IQSEC1: variants seen among roughly 807,000 people sequenced by gnomAD.
The protein encoded by IQSEC1 is IQ motif and Sec7 domain ArfGEF 1.
IQSEC1 carries 31 observed loss-of-function variants against 91.0 expected under a neutral mutation model. The observed-to-expected ratio is 0.34, with a 90% CI of 0.26 to 0.46. The LOEUF is 0.46. Among genes scored for constraint, IQSEC1 ranks in the 20% least tolerant of loss-of-function variants. The probability of loss-of-function intolerance (pLI) is 1.00; values close to 1 mark genes in which losing one functional copy is unlikely to be tolerated. For synonymous variants in IQSEC1, 699 were observed against 662.6 expected (o/e 1.05, Z -0.84); for missense variants, 1,388 against 1,575.6 (o/e 0.88, Z 2.02).
intron 1 of IQSEC1, among the ~76,000 whole-genome samples, chr3:13,047,900 A>G (rs552478130): frequency 2.0e-5 from 3 of 152,204 alleles, no homozygotes; most frequent in Non-Finnish European, 2.9e-5. Flanking sequence ...AGAGCCCTGC[A>G]CCAGGAATCT....
chr3:13,055,508 C>T (rs962334453), intron 1 of IQSEC1, among the ~76,000 whole-genome samples: 1 of 152,226 alleles, frequency 6.6e-6, no homozygotes, highest in African/African-American at 2.4e-5. Context: ...ATATTCTCCT[C>T]CCCACTTTAC....
chr3:13,069,281 CCTGGCATCCAGCCCAGGCCCA>C (rs1224060207), intron 1 of IQSEC1, among the ~76,000 whole-genome samples: 1 of 151,482 alleles, frequency 6.6e-6, no homozygotes, highest in Admixed American at 6.6e-5. Flanking sequence ...GCTGCTCTTC[CCTGGCATCCAGCCCAGGCCCA>C]CTGTCCAGCA....
chr3:12,907,660 G>A (rs1347262779), intron 12 of IQSEC1, among the ~76,000 whole-genome samples: 2 of 152,244 alleles, frequency 1.3e-5, no homozygotes, highest in Non-Finnish European at 2.9e-5. Flanking sequence ...GCTGGCAAAA[G>A]CCCCTGAGCC....
At chr3:13,015,654 C>T in intron 1 of IQSEC1, 2 of 985,298 alleles carry the variant, frequency 2.0e-6, no homozygotes, top group Non-Finnish European at 2.4e-6. Flanking sequence ...GGGGGATGAG[C>T]TGTGGGTCCA....
chr3:13,113,964 C>A (rs1706295097), intron 2 of IQSEC1, among the ~76,000 whole-genome samples: 1 of 152,254 alleles, frequency 6.6e-6, no homozygotes, highest in African/African-American at 2.4e-5. Context: ...GAGCACAGAG[C>A]CAACTGCAGA....
chr3:12,974,820 CT>C (rs137901016), intron 1 of IQSEC1, among the ~76,000 whole-genome samples: 26,543 of 152,236 alleles, frequency 0.17, 2,432 homozygotes, highest in Non-Finnish European at 0.2. Context: ...CAGCAGCACC[CT>C]CAGGGAGGGA....
intron 2 of IQSEC1, among the ~76,000 whole-genome samples, chr3:13,122,808 C>T (rs910899049): frequency 5.3e-5 from 8 of 152,200 alleles, no homozygotes; most frequent in Admixed American, 2.0e-4. Flanking sequence ...CCACATCTCC[C>T]CATCACACAC....
chr3:12,902,894 G>A (rs1219598470), intron 12 of IQSEC1, 72 bp from the exon 13 acceptor site: 3 of 1,152,444 alleles, frequency 2.6e-6, no homozygotes, highest in Admixed American at 1.7e-5. Flanking sequence ...CTGGTGCCAC[G>A]CTGCTGCCAC....
intron 2 of IQSEC1, among the ~76,000 whole-genome samples, chr3:13,082,140 C>T (rs1428852764): frequency 6.6e-6 from 1 of 152,212 alleles, no homozygotes; most frequent in Non-Finnish European, 1.5e-5. Flanking sequence ...CATCCCAGCT[C>T]TGTCACCTAC....
chr3:13,046,129 C>T (rs958396890), intron 1 of IQSEC1, among the ~76,000 whole-genome samples: 2 of 152,210 alleles, frequency 1.3e-5, no homozygotes, highest in Non-Finnish European at 2.9e-5. Context: ...GTTCAAATCC[C>T]GGCTCTGCCC....
chr3:13,090,060 CA>C lies in IQSEC1; in HGVS notation c.303-42539del, dbSNP rs55704739. On this transcript the variant is annotated intron_variant, in intron 2 of 15. Coordinates refer to the IQSEC1 transcript ENST00000648114. ...GAAACCCCGTCTCCACTAAAAAATA[CA>C]AAAAATATTAGCGGGGTGTGGTGGC... is the stretch of plus-strand genomic sequence containing the variant. Among the ~76,000 whole-genome samples the C allele has an allele frequency of 2.0e-5, 3 of 151,582 alleles. No individual in the cohort carries two copies. In the South Asian group the frequency reaches 6.2e-4, roughly 31 times the overall value.
chr3:12,903,547 G>A (rs191648780), intron 12 of IQSEC1, among the ~76,000 whole-genome samples: 28 of 152,336 alleles, frequency 1.8e-4, no homozygotes, highest in African/African-American at 2.9e-4. Context: ...CAGCATCTTC[G>A]TCACGCCCCA....
At chr3:13,079,517 T>C (rs899516963) in intron 2 of IQSEC1, among the ~76,000 whole-genome samples, 4 of 152,220 alleles carry the variant, frequency 2.6e-5, no homozygotes, top group African/African-American at 7.2e-5. Context: ...CAAGCAGGGC[T>C]GTGAGAGGCA....
chr3:13,138,720 C>G (rs572172513), intron 2 of IQSEC1, among the ~76,000 whole-genome samples: 1 of 152,074 alleles, frequency 6.6e-6, no homozygotes, highest in East Asian at 1.9e-4. Flanking sequence ...AGGAAGGCCC[C>G]GTTTCTGCTG....
intron 2 of IQSEC1, among the ~76,000 whole-genome samples, chr3:13,108,035 A>G (rs1305439451): frequency 1.7e-4 from 7 of 42,266 alleles, no homozygotes; most frequent in African/African-American, 2.2e-4. Context: ...ATAAAAAAGC[A>G]TAAAGGAAAA....
intron 1 of IQSEC1, among the ~76,000 whole-genome samples, chr3:13,055,474 C>G (rs376802669): frequency 1.3e-5 from 2 of 152,196 alleles, no homozygotes; most frequent in Non-Finnish European, 2.9e-5. Flanking sequence ...ATTCATTTCA[C>G]GCTCAACCAC....
chr3:12,986,152 G>A (rs550489828), intron 1 of IQSEC1, among the ~76,000 whole-genome samples: 4 of 152,284 alleles, frequency 2.6e-5, no homozygotes, highest in East Asian at 1.9e-4. Flanking sequence ...GGACCCCTGC[G>A]CCCAGGTCAC....
intron 1 of IQSEC1, among the ~76,000 whole-genome samples, chr3:13,249,452 G>A (rs190385476): frequency 6.7e-4 from 102 of 152,092 alleles, no homozygotes; most frequent in African/African-American, 2.3e-3. Flanking sequence ...GATTACAAGC[G>A]TGAGCCACCT....
intron 2 of IQSEC1, among the ~76,000 whole-genome samples, chr3:12,937,486 G>C (rs1698306157): frequency 6.6e-6 from 1 of 152,232 alleles, no homozygotes; most frequent in South Asian, 2.1e-4. Context: ...GAGCTTCAGG[G>C]AGACCTGTGG....
Sources: gnomAD v4.1 joint callset for allele counts (sites outside exome capture counted in the v4.1 genomes callset) on GRCh38, gnomAD v4.1.1 for gene constraint, MANE v1.5 for transcripts, NCBI Gene and HGNC (gene_info 2026-07-23, HGNC 2026-07-21) for gene names.